CDKL3: variants seen among roughly 807,000 people sequenced by gnomAD.
The protein encoded by CDKL3 is cyclin-dependent kinase-like 3.
CDKL3 carries 65 observed loss-of-function variants against 69.3 expected under a neutral mutation model. The observed-to-expected ratio is 0.94, with a 90% CI of 0.77 to 1.15. The LOEUF is 1.15. Among genes scored for constraint, CDKL3 ranks in the 50% most tolerant of loss-of-function variants. The pLI is 0.00. For missense variants in CDKL3, 652 were observed against 689.2 expected, an observed-to-expected ratio of 0.95 and a Z score of 0.61; for synonymous variants, 202 against 221.6, an observed-to-expected ratio of 0.91 and a Z score of 0.79.
At chr5:134,351,184 A>C (rs1753214875) in intron 3 of CDKL3, among the ~76,000 whole-genome samples, 2 of 152,118 alleles carry the variant, frequency 1.3e-5, no homozygotes, top group Non-Finnish European at 2.9e-5. Context: ...AAATGTTCCA[A>C]ATCTCCTCCT....
intron 12 of CDKL3, chr5:134,299,743 C>A: frequency 6.5e-7 from 1 of 1,531,236 alleles, no homozygotes; most frequent in Non-Finnish European, 8.7e-7. Flanking sequence ...TTGTGCATTT[C>A]CTGTATTCTA....
chr5:134,302,164 T>C (rs1766514096), intron 12 of CDKL3: 1 of 456,188 alleles, frequency 2.2e-6, no homozygotes, highest in Non-Finnish European at 4.4e-6. Context: ...AGAGCAAATA[T>C]TTGTGAAAAT....
At chr5:134,350,119 T>C (rs1348204470) in intron 4 of CDKL3, 130 bp downstream of exon 4, 5 of 599,448 alleles carry the variant, frequency 8.3e-6, no homozygotes, top group African/African-American at 5.8e-5. Flanking sequence ...ACCTGGGAGG[T>C]GGAGGTTGCA....
At chr5:134,364,546 C>T (rs1226988176) in intron 2 of CDKL3, among the ~76,000 whole-genome samples, 1 of 151,794 alleles carries the variant, frequency 6.6e-6, no homozygotes, top group Non-Finnish European at 1.5e-5. Context: ...AGGTGTTGCT[C>T]TGTTGCCCAG....
rs1757474890 is a variant in CDKL3, at chr5:134,366,488, C to T, written c.36G>A (p.Glu12=). The change falls in exon 2 of 13, where the codon GAG becomes GAA. Residue 12 remains glutamate, a synonymous_variant. Transcript: ENST00000265334. ...ATTTCATGACTGTTCCGTAACTTCCCTCTCCCACTTTTCCAAGGGTTTCAT... is the reference window on the plus strand; with the variant it reads ...ATTTCATGACTGTTCCGTAACTTCCTTCTCCCACTTTTCCAAGGGTTTCAT... The part of the protein sequence containing the change: ...EMYETLGKVG[E]GSYGTVMKCK... 2.5e-6 allele frequency: 4 copies of T among 1,608,182 alleles called. No individual in the cohort carries two copies. The highest frequency in any genetic ancestry group is 3.4e-6 in the Non-Finnish European group (4 of 1,177,470).
intron 3 of CDKL3, among the ~76,000 whole-genome samples, chr5:134,359,394 T>C (rs1184372559): frequency 6.6e-6 from 1 of 152,198 alleles, no homozygotes; most frequent in African/African-American, 2.4e-5. Flanking sequence ...AGCTGTGATC[T>C]TTCCTCTTCC....
At position 134,312,375 on chromosome 5, in the gene CDKL3, A is replaced by G; in HGVS notation, c.798T>C (p.Cys266=). The G allele has an allele frequency of 1.3e-6, 2 of 1,585,964 alleles. No homozygotes were observed. The highest frequency in any genetic ancestry group is 1.7e-6 in the Non-Finnish European group (2 of 1,165,904). Residue 266 remains cysteine (C), a synonymous_variant, in exon 7 of 13, where the codon TGT becomes TGC. Transcript: ENST00000265334. ...NGLLADIVHA[C]LQIDPADRIS... ...TCCTGTCAGCAGGATCAATTTGTAA[A>G]CAAGCCTAGGAAAGGAAAAAGATTT...
In CDKL3 at chr5:134,308,619, T is replaced by C; in HGVS notation, c.990A>G (p.Lys330=). Reference sequence around the variant, plus strand: ...TTAGCAGTGTATTGGTATAAACTGTTTTTCTTTCATCTTTCCTGAGTTCAT... The same window carrying C: ...TTAGCAGTGTATTGGTATAAACTGTCTTTCTTTCATCTTTCCTGAGTTCAT... ...KENELRKDER[K]TVYTNTLLSS... Residue 330 remains lysine, a synonymous_variant, in exon 8 of 13, where the codon AAA becomes AAG. Transcript: ENST00000265334. 1 of 1,607,102 alleles carries C rather than the reference T, an allele frequency of 6.2e-7. No homozygotes were observed. Among genetic ancestry groups the C allele is most frequent in the Non-Finnish European group, 8.5e-7 (1 of 1,178,338 alleles).
chr5:134,327,801 C>T (rs758117297), intron 4 of CDKL3, among the ~76,000 whole-genome samples: 7 of 152,114 alleles, frequency 4.6e-5, no homozygotes, highest in Non-Finnish European at 8.8e-5. Flanking sequence ...AAGCTATCAA[C>T]GAGTGGAGTT....
chr5:134,304,164 A>T (rs1479672957), intron 11 of CDKL3, among the ~76,000 whole-genome samples: 1 of 152,106 alleles, frequency 6.6e-6, no homozygotes, highest in Non-Finnish European at 1.5e-5. Context: ...CCTGGGCCCA[A>T]GCAATCCTCC....
intron 4 of CDKL3, among the ~76,000 whole-genome samples, chr5:134,334,959 T>C (rs1776702107): frequency 6.6e-6 from 1 of 152,202 alleles, no homozygotes; most frequent in Non-Finnish European, 1.5e-5. Context: ...AGTCTCTTTG[T>C]AGGTCTCTAA....
intron 2 of CDKL3, among the ~76,000 whole-genome samples, chr5:134,362,392 G>A (rs2149658141): frequency 6.6e-6 from 1 of 152,176 alleles, no homozygotes; most frequent in South Asian, 2.1e-4. Context: ...GATGGTCCAT[G>A]CCTGTAATCC....
At position 134,298,657 on chromosome 5, in the gene CDKL3, G is replaced by GA. The variant is rs753494539; in HGVS notation, c.1772dup (p.Trp592LeufsTer15). On this transcript the variant is annotated frameshift_variant, in exon 13 of 13. Coordinates refer to ENST00000265334, the MANE Select transcript of CDKL3 (RefSeq NM_001113575.2). LOFTEE classifies it high-confidence loss of function. ...CTATGTAAAAGAAAAGACACTACCA[G>GA]AAAAAAAACCTGTTTCTCTTCAAAT... 20 of 1,611,348 alleles carry GA rather than the reference G, an allele frequency of 1.2e-5. No homozygotes were observed. The highest frequency in any genetic ancestry group is 4.5e-5 in the East Asian group (2 of 44,832).
At chr5:134,321,687 CT>C in intron 5 of CDKL3, 103 bp downstream of exon 5, 1 of 625,992 alleles carries the variant, frequency 1.6e-6, no homozygotes, top group South Asian at 2.3e-5. Flanking sequence ...AAACAATATG[CT>C]TCCCTGTACT....
chr5:134,320,154 G>A (rs116111459), intron 5 of CDKL3, among the ~76,000 whole-genome samples: 14 of 152,270 alleles, frequency 9.2e-5, no homozygotes, highest in African/African-American at 3.1e-4. Flanking sequence ...ACACAAAAAT[G>A]TGAGGTGTCT....
intron 4 of CDKL3, among the ~76,000 whole-genome samples, chr5:134,326,789 G>C (rs959309223): frequency 4.0e-5 from 5 of 124,420 alleles, no homozygotes; most frequent in Non-Finnish European, 6.9e-5. Flanking sequence ...AATACTTAAA[G>C]CGTGTGTGTA....
chr5:134,347,885 A>T, intron 4 of CDKL3, among the ~76,000 whole-genome samples: 1 of 152,108 alleles, frequency 6.6e-6, no homozygotes, highest in Non-Finnish European at 1.5e-5. Flanking sequence ...GAGGAAACGG[A>T]GAGTTACAGT....
At chr5:134,342,923 G>A (rs530697662) in intron 4 of CDKL3, among the ~76,000 whole-genome samples, 21 of 152,074 alleles carry the variant, frequency 1.4e-4, no homozygotes, top group African/African-American at 4.3e-4. Context: ...ACAGTGTGTC[G>A]GCTGCGTGCG....
downstream of CDKL3, among the ~76,000 whole-genome samples, chr5:134,286,022 T>C (rs1250161900): frequency 6.6e-6 from 1 of 152,168 alleles, no homozygotes; most frequent in East Asian, 1.9e-4. Context: ...CTCAGGAGGC[T>C]GAGGCAGGAG....
Sources: allele counts gnomAD v4.1 joint callset (sites outside exome capture counted in the v4.1 genomes callset), GRCh38; gene constraint gnomAD v4.1.1; transcripts MANE v1.5; gene names NCBI Gene and HGNC (gene_info 2026-07-23, HGNC 2026-07-21).